MALRD1: variants seen among roughly 807,000 people sequenced by gnomAD.
The protein encoded by MALRD1 is MAM and LDL-receptor class A domain-containing protein 1.
In MALRD1, 247 loss-of-function variants were observed where a neutral mutation model predicts 242.1. The observed-to-expected ratio is 1.02, with a 90% confidence interval of 0.92 to 1.13. MALRD1 has a LOEUF of 1.13. Ranked by LOEUF, MALRD1 falls within the 50% of genes most tolerant of loss-of-function variation. MALRD1 has a pLI of 0.00. For synonymous variants in MALRD1, 995 were observed against 866.6 expected (o/e 1.15, Z -2.60); for missense variants, 2,989 against 2,533.1 (o/e 1.18, Z -3.86).
intron 28 of MALRD1, among the ~76,000 whole-genome samples, chr10:19,431,294 T>C (rs989492612): frequency 6.6e-6 from 1 of 152,160 alleles, no homozygotes; most frequent in Non-Finnish European, 1.5e-5. Context: ...TAAGGTTCAT[T>C]TTTTAGGTTT....
intron 12 of MALRD1, 102 bp downstream of exon 12, chr10:19,155,274 T>A: frequency 4.0e-6 from 2 of 505,650 alleles, no homozygotes; most frequent in African/African-American, 2.0e-5. Flanking sequence ...ACTAGCACTT[T>A]AATGATGAAT....
At chr10:19,429,262 G>T (rs935918251) in intron 28 of MALRD1, among the ~76,000 whole-genome samples, 1 of 152,166 alleles carries the variant, frequency 6.6e-6, no homozygotes, top group Non-Finnish European at 1.5e-5. Context: ...TGTGTAATGT[G>T]ACTGGGAGTC....
At chr10:19,636,051 C>T (rs1238069128) in intron 36 of MALRD1, among the ~76,000 whole-genome samples, 1 of 152,024 alleles carries the variant, frequency 6.6e-6, no homozygotes, top group Non-Finnish European at 1.5e-5. Flanking sequence ...CAGACACGCA[C>T]CACCACGCCT....
intron 36 of MALRD1, among the ~76,000 whole-genome samples, chr10:19,688,314 T>C (rs1842681306): frequency 6.6e-6 from 1 of 151,972 alleles, no homozygotes; most frequent in Non-Finnish European, 1.5e-5. Flanking sequence ...CTGTCACCCA[T>C]GTTGGAATGC....
At chr10:19,529,951 G>C (rs1798450558) in intron 31 of MALRD1, among the ~76,000 whole-genome samples, 1 of 151,968 alleles carries the variant, frequency 6.6e-6, no homozygotes, top group Admixed American at 6.6e-5. Context: ...TGCATAGGAA[G>C]ACAATATTTT....
intron 31 of MALRD1, among the ~76,000 whole-genome samples, chr10:19,528,893 T>G (rs764177988): frequency 1.2e-4 from 18 of 151,994 alleles, no homozygotes; most frequent in Non-Finnish European, 2.4e-4. Flanking sequence ...AGACACAGAG[T>G]ATCGTAACTT....
At chr10:19,219,571 C>G (rs1306156557) in intron 18 of MALRD1, among the ~76,000 whole-genome samples, 1 of 151,972 alleles carries the variant, frequency 6.6e-6, no homozygotes, top group Non-Finnish European at 1.5e-5. Flanking sequence ...CAAGTAGCTG[C>G]GCCTATAGGC....
intron 39 of MALRD1, 39 bp from the exon 40 acceptor site, chr10:19,734,118 C>G: frequency 6.8e-7 from 1 of 1,475,956 alleles, no homozygotes; most frequent in Non-Finnish European, 9.1e-7. Context: ...ATCTTAATGC[C>G]TAAAATTCCA....
At chr10:19,464,291 A>T (rs1836110862) in intron 29 of MALRD1, among the ~76,000 whole-genome samples, 2 of 152,144 alleles carry the variant, frequency 1.3e-5, no homozygotes, top group African/African-American at 2.4e-5. Context: ...GCCTAAGCCA[A>T]TGGCTAGAAG....
At chr10:19,109,201 C>G (rs762938853) in intron 5 of MALRD1, among the ~76,000 whole-genome samples, 2 of 152,140 alleles carry the variant, frequency 1.3e-5, no homozygotes, top group Admixed American at 6.5e-5. Flanking sequence ...AGCTTCCCCA[C>G]TGGGGGTGGG....
chr10:19,664,585 T>G (rs1006849180), intron 36 of MALRD1, among the ~76,000 whole-genome samples: 1 of 152,154 alleles, frequency 6.6e-6, no homozygotes, highest in Non-Finnish European at 1.5e-5. Context: ...GAATAACATC[T>G]TTCTTTAAAT....
At chr10:19,302,236 G>T (rs1274532763) in intron 21 of MALRD1, among the ~76,000 whole-genome samples, 2 of 151,770 alleles carry the variant, frequency 1.3e-5, no homozygotes, top group Non-Finnish European at 2.9e-5. Flanking sequence ...AGAATTATAT[G>T]ACTCAGCAGT....
chr10:19,056,033 G>A (rs1834655330), intron 1 of MALRD1, among the ~76,000 whole-genome samples: 1 of 152,066 alleles, frequency 6.6e-6, no homozygotes, highest in Admixed American at 6.6e-5. Flanking sequence ...GGGCTTTCTA[G>A]CTTGTTCTGT....
At chr10:19,233,518 A>G (rs1478872090) in intron 18 of MALRD1, among the ~76,000 whole-genome samples, 2 of 152,136 alleles carry the variant, frequency 1.3e-5, no homozygotes, top group African/African-American at 2.4e-5. Context: ...CAAACAAACA[A>G]AAATCAATTA....
At chr10:19,281,963 C>CAAAAAAAAA (rs149370838) in intron 20 of MALRD1, among the ~76,000 whole-genome samples, 2 of 79,862 alleles carry the variant, frequency 2.5e-5, no homozygotes, top group Non-Finnish European at 2.3e-5. Flanking sequence ...ACGATGTCTC[C>CAAAAAAAAA]AAAAAAAAAA....
intron 5 of MALRD1, among the ~76,000 whole-genome samples, chr10:19,107,103 A>G (rs186670697): frequency 6.6e-5 from 10 of 152,106 alleles, no homozygotes; most frequent in Admixed American, 6.5e-4. Flanking sequence ...TGTATTTTGT[A>G]ATTATCGAGC....
intron 28 of MALRD1, among the ~76,000 whole-genome samples, chr10:19,402,470 C>T (rs1357513452): frequency 1.3e-5 from 2 of 152,068 alleles, no homozygotes; most frequent in Admixed American, 6.6e-5. Context: ...TCCTGCCTGC[C>T]ACCATGTAAA....
chr10:19,557,965 T>C (rs1413100814), intron 32 of MALRD1, among the ~76,000 whole-genome samples: 2 of 152,138 alleles, frequency 1.3e-5, no homozygotes, highest in African/African-American at 2.4e-5. Context: ...ATAGATATCA[T>C]GTACTTTTTT....
intron 19 of MALRD1, among the ~76,000 whole-genome samples, chr10:19,268,530 C>A (rs916112747): frequency 6.6e-6 from 1 of 152,060 alleles, no homozygotes; most frequent in Non-Finnish European, 1.5e-5. Context: ...GCTTCAAATA[C>A]GCTTTTAGAT....
Sources: allele counts gnomAD v4.1 joint callset (sites outside exome capture counted in the v4.1 genomes callset), GRCh38; gene constraint gnomAD v4.1.1; transcripts MANE v1.5; gene names NCBI Gene and HGNC (gene_info 2026-07-23, HGNC 2026-07-21).